ABCA9: variants seen among roughly 807,000 people sequenced by gnomAD.
The protein encoded by ABCA9 is ATP-binding cassette sub-family A member 9.
In ABCA9, 183 loss-of-function variants were observed where a neutral mutation model predicts 205.3. That is an observed-to-expected ratio of 0.89 (90% confidence interval 0.79 to 1.01). The LOEUF is 1.01. ABCA9 is among the 50% of genes least tolerant of loss of function. The pLI is 0.00. For synonymous variants in ABCA9, 651 were observed against 683.3 expected, an observed-to-expected ratio of 0.95 and a Z score of 0.74; for missense variants, 1,805 against 1,912.4, an observed-to-expected ratio of 0.94 and a Z score of 1.05.
chr17:69,037,837 G>T (rs2071400795), intron 6 of ABCA9, among the ~76,000 whole-genome samples: 1 of 151,452 alleles, frequency 6.6e-6, no homozygotes, highest in South Asian at 2.1e-4. Flanking sequence ...TAATAAAGAA[G>T]AAAAGAGAGA....
In ABCA9 at chr17:69,017,778, C is replaced by T. The variant is rs138049166; in HGVS notation, c.2779G>A (p.Asp927Asn). 1.4e-5 allele frequency: 23 copies of T among 1,612,822 alleles called. No homozygotes were observed. The East Asian group carries it at 5.1e-4, about 36-fold the overall frequency. Residue 927 changes from aspartate (D) to asparagine (N), a missense_variant, in exon 21 of 39, where the codon GAT becomes AAT. By Grantham distance (23) the Asp-to-Asn change is conservative. Coordinates refer to ENST00000340001, the MANE Select transcript of ABCA9 (RefSeq NM_080283.4). ...LVINKTGSTI[D>N]NFLHSLRRQN... ...CGCCTCAGTGAATGTAAAAAGTTATCAATGGTTGACCCTACATGAAGGCAA... is the reference window on the plus strand; with the variant it reads ...CGCCTCAGTGAATGTAAAAAGTTATTAATGGTTGACCCTACATGAAGGCAA...
At position 69,012,050 on chromosome 17, in the gene ABCA9, T is replaced by C; in HGVS notation, c.3073A>G (p.Asn1025Asp). The change falls in exon 23 of 39, where the codon AAC (asparagine) becomes GAC (aspartate). Residue 1025 changes from asparagine to aspartate, a missense_variant. Transcript: ENST00000340001. ...GCCATCGGTATCCAGAAGAAGGTGT[T>C]ACTTCGGTACCCATACTCATAATCC... ...HMDYEYGYRS[N>D]TFFWIPMAAS... is the part of the protein sequence containing the mutation. The C allele has an allele frequency of 6.2e-7, 1 of 1,613,280 alleles. No homozygotes were observed. The highest frequency in any genetic ancestry group is 8.5e-7 in the Non-Finnish European group (1 of 1,179,552).
intron 25 of ABCA9, among the ~76,000 whole-genome samples, chr17:69,006,241 G>T (rs2070121544): frequency 6.6e-6 from 1 of 152,132 alleles, no homozygotes; most frequent in African/African-American, 2.4e-5. Flanking sequence ...AACTAAAGTT[G>T]AACATAAAGT....
At chr17:69,060,638 T>C (rs768138498) in intron 1 of ABCA9, among the ~76,000 whole-genome samples, 2 of 152,232 alleles carry the variant, frequency 1.3e-5, no homozygotes, top group Non-Finnish European at 2.9e-5. Context: ...AGATAATGTA[T>C]GCTATTTGTC....
intron 23 of ABCA9, among the ~76,000 whole-genome samples, chr17:69,008,884 A>T (rs992272070): frequency 7.2e-5 from 11 of 152,184 alleles, no homozygotes; most frequent in Admixed American, 2.0e-4. Context: ...TGTGACCTGG[A>T]CTATTTTAAA....
At position 69,029,234 on chromosome 17, in the gene ABCA9, A is replaced by T. The variant is rs773163003; in HGVS notation, c.1446-7T>A. On this transcript the variant is annotated splice_region_variant and splice_polypyrimidine_tract_variant and intron_variant, in intron 10 of 38. Transcript: ENST00000340001. Reference sequence around the variant, plus strand: ...TTTTTTAAGATTTTTGATTCTGAAAAAAAGAGGGAAATGTTTTCAGAGAAT... The same window carrying T: ...TTTTTTAAGATTTTTGATTCTGAAATAAAGAGGGAAATGTTTTCAGAGAAT... 5.9e-6 allele frequency: 9 copies of T among 1,530,792 alleles called. No individual in the cohort carries two copies. The highest frequency in any genetic ancestry group is 7.2e-6 in the Non-Finnish European group (8 of 1,117,466). 94.8% of individuals were successfully genotyped at this position (1,530,792 alleles called of 1,614,324 possible).
At chr17:69,076,002 A>G in the ABCA9 span, among the ~76,000 whole-genome samples, 1 of 152,024 alleles carries the variant, frequency 6.6e-6, no homozygotes, top group African/African-American at 2.4e-5. Context: ...CTATTTGGAT[A>G]CTTTCTATTT....
chr17:69,027,732 A>T lies in ABCA9; in HGVS notation c.1699T>A (p.Ser567Thr), dbSNP rs1389889407. 6.2e-7 allele frequency: 1 copy of T among 1,613,258 alleles called. No individual in the cohort carries two copies. Among genetic ancestry groups the T allele is most frequent in the South Asian group, 1.1e-5 (1 of 91,040 alleles). ...GTGAGAAATCCAAATTGCACATTGG[A>T]TTGTGGACAAAATCCAGTGAACTTG... ...ISKFTGFCPQ[S>T]NVQFGFLTVK... Residue 567 changes from serine to threonine, a missense_variant, in exon 13 of 39, where the codon TCC becomes ACC. Coordinates refer to ENST00000340001, the MANE Select transcript of ABCA9 (RefSeq NM_080283.4).
Position 68,975,676 on chromosome 17 carries a change from G to C in ABCA9, c.*239C>G, listed in dbSNP as rs2068873911. On this transcript the variant is annotated 3_prime_UTR_variant, in exon 39 of 39. Transcript: ENST00000340001. ...ATGCATTTTTAAACTTAACACAGTA[G>C]GAAACATGGGATTTGGTTGCTGGCA... 2 of 397,780 alleles carry C rather than the reference G, an allele frequency of 5.0e-6. No individual in the cohort carries two copies. Among genetic ancestry groups the C allele is most frequent in the Admixed American group, 3.7e-5 (1 of 26,718 alleles). 24.6% of individuals were successfully genotyped at this position (397,780 alleles called of 1,614,324 possible).
intron 2 of ABCA9, 76 bp from the exon 3 acceptor site, chr17:69,049,566 A>G: frequency 8.4e-7 from 1 of 1,195,494 alleles, no homozygotes; most frequent in East Asian, 2.4e-5. Flanking sequence ...AAACAGTTTG[A>G]AATACTTAAT....
At chr17:69,039,029 G>C (rs1386388390) in intron 6 of ABCA9, among the ~76,000 whole-genome samples, 1 of 152,080 alleles carries the variant, frequency 6.6e-6, no homozygotes, top group Admixed American at 6.5e-5. Flanking sequence ...CCTCTTCAAG[G>C]AGAACTACAA....
chr17:69,017,902 C>T, intron 20 of ABCA9, 113 bp from the exon 21 acceptor site: 4 of 1,235,474 alleles, frequency 3.2e-6, no homozygotes, highest in Non-Finnish European at 4.5e-6. Flanking sequence ...CTGTCTAAGG[C>T]TTTTCTTAAA....
chr17:69,020,304 T>C, intron 19 of ABCA9, 84 bp downstream of exon 19: 1 of 1,310,406 alleles, frequency 7.6e-7, no homozygotes, highest in Non-Finnish European at 1.0e-6. Context: ...AAATTTATTT[T>C]ATCTGAGTTT....
chr17:69,074,017 C>T, the ABCA9 span, among the ~76,000 whole-genome samples: 1 of 152,000 alleles, frequency 6.6e-6, no homozygotes, highest in Non-Finnish European at 1.5e-5. Context: ...TCTTATTATG[C>T]TATAACCAGG....
At chr17:69,000,441 A>G (rs1486082759) in intron 25 of ABCA9, among the ~76,000 whole-genome samples, 1 of 152,134 alleles carries the variant, frequency 6.6e-6, no homozygotes, top group African/African-American at 2.4e-5. Context: ...AGTTATAGAT[A>G]AGCGGCGTTA....
chr17:69,066,220 A>T, the ABCA9 span, among the ~76,000 whole-genome samples: 2 of 151,970 alleles, frequency 1.3e-5, no homozygotes, highest in African/African-American at 4.8e-5. Flanking sequence ...AAATATACTC[A>T]TTTCTCCCAC....
At chr17:69,075,831 C>T in the ABCA9 span, among the ~76,000 whole-genome samples, 1 of 151,944 alleles carries the variant, frequency 6.6e-6, no homozygotes, top group Non-Finnish European at 1.5e-5. Context: ...GGAGTATGGC[C>T]ATTTTAACTA....
chr17:69,017,623 T>G, intron 21 of ABCA9, 33 bp downstream of exon 21: 1 of 1,610,940 alleles, frequency 6.2e-7, no homozygotes, highest in South Asian at 1.1e-5. Flanking sequence ...TAGTCCACCT[T>G]TGGTGAAATG....
At chr17:68,976,104 G>A (rs200512913) in intron 38 of ABCA9, 31 bp downstream of exon 38, 1 of 1,605,310 alleles carries the variant, frequency 6.2e-7, no homozygotes, top group East Asian at 2.2e-5. Flanking sequence ...TATATTCCAT[G>A]GATGATATAG....
Sources: gnomAD v4.1 joint callset for allele counts (sites outside exome capture counted in the v4.1 genomes callset) on GRCh38, gnomAD v4.1.1 for gene constraint, MANE v1.5 for transcripts, NCBI Gene and HGNC (gene_info 2026-07-23, HGNC 2026-07-21) for gene names.